Variants in SAMSN1 observed in about 807,000 individuals in gnomAD.
SAMSN1 encodes SAM domain, SH3 domain and nuclear localization signals 1.
In SAMSN1, 31 loss-of-function variants were observed where a neutral mutation model predicts 42.0. That is an observed-to-expected ratio of 0.74 (90% confidence interval 0.55 to 1.00). The LOEUF (loss-of-function observed/expected upper bound fraction) is 1.00. Ranked by LOEUF, SAMSN1 falls within the 50% of genes least tolerant of loss-of-function variation. The pLI is 0.00. For missense variants in SAMSN1, 464 were observed against 439.4 expected, an observed-to-expected ratio of 1.06 and a Z score of -0.50; for synonymous variants, 178 against 151.9, an observed-to-expected ratio of 1.17 and a Z score of -1.26.
chr21:14,590,407 C>T (rs1982047027), intron 7 of SAMSN1, among the ~76,000 whole-genome samples: 1 of 151,886 alleles, frequency 6.6e-6, no homozygotes, highest in Admixed American at 6.6e-5. Context: ...CCTCCCAAAG[C>T]CCTGGGACTA....
intron 5 of SAMSN1, among the ~76,000 whole-genome samples, chr21:14,507,188 C>T (rs1450703929): frequency 1.3e-5 from 2 of 152,114 alleles, no homozygotes; most frequent in Non-Finnish European, 2.9e-5. Flanking sequence ...GAAGTCCTAG[C>T]CAGAGCAATC....
intron 4 of SAMSN1, among the ~76,000 whole-genome samples, chr21:14,611,955 C>A (rs1435028351): frequency 6.6e-6 from 1 of 152,142 alleles, no homozygotes; most frequent in African/African-American, 2.4e-5. Flanking sequence ...ATTATTGAGG[C>A]CAGGCATGGT....
chr21:14,606,087 G>A (rs1025078285), intron 5 of SAMSN1, among the ~76,000 whole-genome samples: 13 of 152,008 alleles, frequency 8.6e-5, no homozygotes, highest in African/African-American at 1.2e-4. Flanking sequence ...TGATCCGCCC[G>A]CCTCGGCTGC....
chr21:14,513,062 C>T (rs1254117392), intron 3 of SAMSN1, among the ~76,000 whole-genome samples: 3 of 152,162 alleles, frequency 2.0e-5, no homozygotes, highest in African/African-American at 7.2e-5. Context: ...TTTTGCAATT[C>T]TAAAGCAAAG....
intron 4 of SAMSN1, among the ~76,000 whole-genome samples, chr21:14,610,828 A>G (rs1177088649): frequency 6.6e-6 from 1 of 152,256 alleles, no homozygotes; most frequent in Non-Finnish European, 1.5e-5. Context: ...CATGAACTAC[A>G]TAGGCACTTC....
chr21:14,547,195 G>C (rs1980438129), upstream of SAMSN1, among the ~76,000 whole-genome samples: 1 of 152,182 alleles, frequency 6.6e-6, no homozygotes, highest in South Asian at 2.1e-4. Flanking sequence ...AATGTATTAA[G>C]ATGTTGTAAA....
intron 2 of SAMSN1, among the ~76,000 whole-genome samples, chr21:14,553,951 T>A (rs191136339): frequency 8.2e-4 from 125 of 152,290 alleles, no homozygotes; most frequent in African/African-American, 2.9e-3. Context: ...CATCTCTCTT[T>A]GTTCTCTCCA....
chr21:14,560,640 T>C (rs2123197035), intron 2 of SAMSN1, among the ~76,000 whole-genome samples: 1 of 152,330 alleles, frequency 6.6e-6, no homozygotes, highest in South Asian at 2.1e-4. Flanking sequence ...GCTTTAGAAA[T>C]TTTGAAAACT....
At chr21:14,646,205 C>T (rs1983709791) in intron 1 of SAMSN1, among the ~76,000 whole-genome samples, 1 of 152,012 alleles carries the variant, frequency 6.6e-6, no homozygotes, top group Non-Finnish European at 1.5e-5. Context: ...AGGAAGACTA[C>T]CTCAAGGTAT....
intron 1 of SAMSN1, among the ~76,000 whole-genome samples, chr21:14,542,479 T>C (rs1980106052): frequency 1.3e-5 from 2 of 152,162 alleles, no homozygotes; most frequent in Admixed American, 6.6e-5. Flanking sequence ...ATGATAAATA[T>C]AGAAAAATAA....
chr21:14,485,885 T>C lies in SAMSN1; in HGVS notation c.*27A>G. ...AAGAAGAGTTAAAATGGAATGCATC[T>C]GTAGATATATAGTTGGGAATGCGTG... On this transcript the variant is annotated 3_prime_UTR_variant, in exon 8 of 8. Transcript: ENST00000400566. The C allele has an allele frequency of 6.4e-7, 1 of 1,562,852 alleles. No homozygotes were observed. The highest frequency in any genetic ancestry group is 8.8e-7 in the Non-Finnish European group (1 of 1,134,328).
upstream of SAMSN1, among the ~76,000 whole-genome samples, chr21:14,547,896 C>T (rs1980470236): frequency 6.6e-6 from 1 of 151,990 alleles, no homozygotes; most frequent in Admixed American, 6.6e-5. Flanking sequence ...TATTTTATTA[C>T]CAGATAATAA....
intron 5 of SAMSN1, among the ~76,000 whole-genome samples, chr21:14,505,715 C>A (rs1403918420): frequency 6.6e-6 from 1 of 152,094 alleles, no homozygotes; most frequent in Non-Finnish European, 1.5e-5. Flanking sequence ...AACAAAGAAG[C>A]AATGGATTTA....
At chr21:14,639,537 C>T (rs1010657653) in intron 2 of SAMSN1, among the ~76,000 whole-genome samples, 1 of 152,146 alleles carries the variant, frequency 6.6e-6, no homozygotes, top group East Asian at 1.9e-4. Context: ...TCTTAAAAGT[C>T]CCACCTGTCA....
intron 5 of SAMSN1, among the ~76,000 whole-genome samples, chr21:14,505,504 G>A (rs1399186738): frequency 2.0e-5 from 3 of 152,080 alleles, no homozygotes; most frequent in Non-Finnish European, 2.9e-5. Flanking sequence ...AGACAAATAG[G>A]GACATTATAC....
chr21:14,521,159 A>G lies in SAMSN1; in HGVS notation c.120T>C (p.Asp40=), dbSNP rs1159666790. 4 of 1,605,016 alleles carry G rather than the reference A, an allele frequency of 2.5e-6. No homozygotes were observed. The highest frequency in any genetic ancestry group is 3.4e-6 in the Non-Finnish European group (4 of 1,173,220). The part of the protein sequence containing the change: ...FRNNSLSKPD[D]STEAHEGDPT... ...GGAATAAACTACGAACCTCAGTTGA[A>G]TCATCTGGTTTTGATAAAGAATTAT... The change falls in exon 2 of 8, where the codon GAT becomes GAC. Residue 40 remains aspartate (D), a synonymous_variant. Transcript: ENST00000400566.
chr21:14,648,306 C>T (rs1983760270), intron 1 of SAMSN1, among the ~76,000 whole-genome samples: 1 of 152,012 alleles, frequency 6.6e-6, no homozygotes, highest in African/African-American at 2.4e-5. Context: ...GACCTAAAAC[C>T]ATAAAAACCC....
intron 1 of SAMSN1, among the ~76,000 whole-genome samples, chr21:14,543,760 T>C (rs1192434778): frequency 3.9e-5 from 6 of 152,130 alleles, no homozygotes; most frequent in African/African-American, 1.4e-4. Context: ...TACTATAGGA[T>C]TTACAATTTA....
chr21:14,612,497 A>T, intron 4 of SAMSN1: 1 of 370,094 alleles, frequency 2.7e-6, no homozygotes, highest in South Asian at 2.3e-5. Flanking sequence ...AGACTTTTAT[A>T]ATGAAACCAC....
Sources: gnomAD v4.1 joint callset for allele counts (sites outside exome capture counted in the v4.1 genomes callset) on GRCh38, gnomAD v4.1.1 for gene constraint, MANE v1.5 for transcripts, NCBI Gene and HGNC (gene_info 2026-07-23, HGNC 2026-07-21) for gene names.